The following MYH10 variants were observed in gnomAD, a reference collection of about 807,000 sequenced individuals.
MYH10 encodes myosin heavy chain 10, also known as myosin-10.
A neutral mutation model predicts 257.8 loss-of-function variants in MYH10; 55 were observed. That is an observed-to-expected ratio of 0.21 (90% CI 0.17 to 0.27). The LOEUF (loss-of-function observed/expected upper bound fraction) is 0.27, where lower values mean the gene tolerates loss of function less well. Ranked by LOEUF, MYH10 falls within the 10% of genes least tolerant of loss-of-function variation. The probability of loss-of-function intolerance (pLI) is 1.00; values close to 1 mark genes in which losing one functional copy is unlikely to be tolerated. For synonymous variants in MYH10, 854 were observed against 921.7 expected (o/e 0.93, Z 1.33); for missense variants, 1,631 against 2,500.6 (o/e 0.65, Z 7.42).
intron 16 of MYH10, among the ~76,000 whole-genome samples, chr17:8,532,855 A>G (rs572012000): frequency 1.3e-5 from 2 of 152,324 alleles, no homozygotes. Flanking sequence ...GTAGAATTAT[A>G]CAAATGGGTC....
In MYH10 at chr17:8,593,445, C is replaced by CA. The variant is rs555196914; in HGVS notation, c.503-4338dup. On this transcript the variant is annotated intron_variant, in intron 3 of 42. Coordinates refer to ENST00000360416, the MANE Select transcript of MYH10 (RefSeq NM_001256012.3). ...ACACAAAAACAAACAAACAAACAAA[C>CA]AAAAAAACCCTTTCAGACTAAGTTT... is the stretch of plus-strand genomic sequence containing the variant. 1.9e-3 allele frequency among the ~76,000 whole-genome samples: 248 copies of CA among 130,478 alleles called. 1 individual carries two copies. The highest frequency in any genetic ancestry group is 6.6e-3 in the African/African-American group (234 of 35,324). The allele number at this position is 130,478 out of a possible 152,430, so 85.6% of individuals were successfully genotyped here. A position where few individuals can be genotyped will look rare whatever the true frequency, so the allele number is the denominator to read the frequency against.
In MYH10 at chr17:8,520,950, CCGTTA is replaced by C. The variant is rs2081635002; in HGVS notation, c.2196_2200del (p.Cys732TrpfsTer15). On this transcript the variant is annotated frameshift_variant, in exon 19 of 43. Transcript: ENST00000360416. LOFTEE classifies it high-confidence loss of function. ...ACAGATTCGGATCCCTTCCAGGACA[CCGTTA>C]CAGCGAAGCTGATCTAGGACTAGGT... 1 of 1,613,788 alleles carries C rather than the reference CCGTTA, an allele frequency of 6.2e-7. No individual in the cohort carries two copies.
intron 2 of MYH10, among the ~76,000 whole-genome samples, chr17:8,609,367 G>C (rs1049766570): frequency 1.1e-4 from 16 of 150,844 alleles, no homozygotes; most frequent in African/African-American, 3.9e-4. Flanking sequence ...AGGGAGGAAG[G>C]AAAGAATAAT....
At chr17:8,517,571 C>T (rs1458682298) in intron 21 of MYH10, among the ~76,000 whole-genome samples, 18 of 152,206 alleles carry the variant, frequency 1.2e-4, no homozygotes, top group Admixed American at 1.2e-3. Flanking sequence ...CCTTTGAATT[C>T]TATCTCAAAT....
intron 4 of MYH10, among the ~76,000 whole-genome samples, chr17:8,580,769 A>G (rs1208636020): frequency 6.6e-6 from 1 of 152,220 alleles, no homozygotes; most frequent in Non-Finnish European, 1.5e-5. Context: ...TGTGTCAGGC[A>G]TTCTTCTGAG....
chr17:8,581,114 A>G (rs1212674015), intron 4 of MYH10, among the ~76,000 whole-genome samples: 2 of 152,048 alleles, frequency 1.3e-5, no homozygotes, highest in African/African-American at 2.4e-5. Context: ...TTTGATATAA[A>G]TAACAATCAG....
At chr17:8,516,398 T>C (rs1462237708) in intron 21 of MYH10, among the ~76,000 whole-genome samples, 1 of 152,232 alleles carries the variant, frequency 6.6e-6, no homozygotes, top group Non-Finnish European at 1.5e-5. Flanking sequence ...ATCTTCTTTT[T>C]TTGATGTATC....
intron 3 of MYH10, among the ~76,000 whole-genome samples, chr17:8,602,214 G>A (rs918313076): frequency 6.6e-6 from 1 of 152,146 alleles, no homozygotes; most frequent in Non-Finnish European, 1.5e-5. Context: ...TCCTGACCTC[G>A]TGATCCGCTG....
At chr17:8,482,732 G>C (rs1254494208) in intron 37 of MYH10, among the ~76,000 whole-genome samples, 1 of 152,252 alleles carries the variant, frequency 6.6e-6, no homozygotes, top group East Asian at 1.9e-4. Flanking sequence ...TGCAGTGTGA[G>C]TCAGGCCTTG....
At chr17:8,507,648 A>G (rs2081115253) in intron 26 of MYH10, among the ~76,000 whole-genome samples, 1 of 152,242 alleles carries the variant, frequency 6.6e-6, no homozygotes, top group Non-Finnish European at 1.5e-5. Context: ...ACCAAAGAAC[A>G]GTATCTTTTA....
In MYH10 at chr17:8,622,312, ACTT is replaced by A. The variant is rs373040187; in HGVS notation, c.345+587_345+589del. On this transcript the variant is annotated intron_variant, in intron 2 of 42. Transcript: ENST00000360416. The stretch of plus-strand genomic sequence containing the variant: ...ACATTATCCCTTATGATTTTCAATA[ACTT>A]CTTCTACATGGTCAGTGACAAAGTC... 1.2e-3 allele frequency among the ~76,000 whole-genome samples: 183 copies of A among 152,266 alleles called. 1 individual carries two copies. Among genetic ancestry groups the A allele is most frequent in the Middle Eastern group, 6.8e-3 (2 of 294 alleles).
chr17:8,487,326 C>G, intron 36 of MYH10, 107 bp downstream of exon 36: 3 of 1,369,708 alleles, frequency 2.2e-6, no homozygotes, highest in East Asian at 2.3e-5. Context: ...CACCCCCGGC[C>G]ACGCTGACAG....
At chr17:8,498,295 A>G (rs9901814) in intron 30 of MYH10, among the ~76,000 whole-genome samples, 147,762 of 152,142 alleles carry the variant, frequency 0.97, 71,917 homozygotes, top group East Asian at 1. Flanking sequence ...CCCATACTAT[A>G]CCATTTTTAT....
intron 30 of MYH10, among the ~76,000 whole-genome samples, chr17:8,498,614 G>GA: frequency 6.6e-6 from 1 of 152,074 alleles, no homozygotes; most frequent in Admixed American, 6.5e-5. Context: ...TTGGGAGGCT[G>GA]AGGGGGGCGG....
At chr17:8,519,790 A>T (rs762548938) in intron 19 of MYH10, among the ~76,000 whole-genome samples, 3 of 152,186 alleles carry the variant, frequency 2.0e-5, no homozygotes, top group Non-Finnish European at 4.4e-5. Context: ...AAATGGTGTC[A>T]TACTTTCAAA....
At position 8,506,326 on chromosome 17, in the gene MYH10, T is replaced by A. The variant is rs760142776; in HGVS notation, c.3378A>T (p.Ala1126=). 1 of 1,597,574 alleles carries A rather than the reference T, an allele frequency of 6.3e-7. No homozygotes were observed. Among genetic ancestry groups the A allele is most frequent in the African/African-American group, 1.4e-5 (1 of 73,512 alleles). The change falls in exon 27 of 43, where the codon GCA becomes GCT. Residue 1126 remains alanine (A), a synonymous_variant. Coordinates refer to ENST00000360416, the MANE Select transcript of MYH10 (RefSeq NM_001256012.3). The surrounding 1 kb of genome is among the most constrained non-coding windows in gnomAD (Gnocchi z 5.0). ...GCTGCTGGGCTGCAGACCTGGCCAG[T>A]GCGCCCTGCAGCTCCTCCTCCTTCT... ...LAKKEEELQG[A]LARGDDETLH... is the part of the protein sequence containing the mutation.
intron 3 of MYH10, among the ~76,000 whole-genome samples, chr17:8,596,938 T>G (rs2084392395): frequency 6.6e-6 from 1 of 152,020 alleles, no homozygotes; most frequent in African/African-American, 2.4e-5. Context: ...CTAGATTACG[T>G]AAGGGCAAAG....
At chr17:8,596,906 AG>A (rs1377360581) in intron 3 of MYH10, among the ~76,000 whole-genome samples, 2 of 152,230 alleles carry the variant, frequency 1.3e-5, no homozygotes, top group African/African-American at 4.8e-5. Flanking sequence ...AATACAACCA[AG>A]GAAAGAAGCA....
chr17:8,568,109 G>GA (rs2083221097), intron 7 of MYH10, among the ~76,000 whole-genome samples: 1 of 152,028 alleles, frequency 6.6e-6, no homozygotes, highest in Non-Finnish European at 1.5e-5. Flanking sequence ...CATCATCTTC[G>GA]TTTGCTGGCT....
Sources: allele counts gnomAD v4.1 joint callset (sites outside exome capture counted in the v4.1 genomes callset), GRCh38; gene constraint gnomAD v4.1.1; non-coding constraint Gnocchi (gnomAD v3.1); transcripts MANE v1.5; gene names NCBI Gene and HGNC (gene_info 2026-07-23, HGNC 2026-07-21).